The following MACROD2 variants were observed in gnomAD, a reference collection of about 807,000 sequenced individuals.
MACROD2 encodes ADP-ribose glycohydrolase MACROD2.
Under a neutral mutation model 70.4 loss-of-function variants are expected in MACROD2, and 36 were observed. The observed-to-expected ratio is 0.51, with a 90% CI of 0.39 to 0.68. MACROD2 has a LOEUF of 0.68. Ranked by LOEUF, MACROD2 falls within the 30% of genes least tolerant of loss-of-function variation. The probability of loss-of-function intolerance (pLI) is 0.00; values close to 1 mark genes in which losing one functional copy is unlikely to be tolerated. For synonymous variants in MACROD2, 172 were observed against 178.8 expected (o/e 0.96, Z 0.30); for missense variants, 496 against 538.4 (o/e 0.92, Z 0.78).
At chr20:14,083,096 G>A (rs568263930) in intron 2 of MACROD2, among the ~76,000 whole-genome samples, 2 of 147,244 alleles carry the variant, frequency 1.4e-5, no homozygotes, top group African/African-American at 5.0e-5. Flanking sequence ...GAATATGGAT[G>A]CTGAAATAAT....
At chr20:15,412,409 G>C (rs2046091360) in intron 6 of MACROD2, among the ~76,000 whole-genome samples, 1 of 152,156 alleles carries the variant, frequency 6.6e-6, no homozygotes, top group African/African-American at 2.4e-5. Context: ...GCCATCTCTT[G>C]TCAAGCAATT....
chr20:15,226,671 C>T (rs949150022), intron 5 of MACROD2, among the ~76,000 whole-genome samples: 1 of 151,976 alleles, frequency 6.6e-6, no homozygotes, highest in Non-Finnish European at 1.5e-5. Context: ...AGTCAAAAGC[C>T]TATGAGCTGC....
At chr20:14,044,023 T>A (rs1171723943) in intron 2 of MACROD2, among the ~76,000 whole-genome samples, 2 of 152,222 alleles carry the variant, frequency 1.3e-5, no homozygotes, top group African/African-American at 4.8e-5. Flanking sequence ...CACTGTGTCC[T>A]GAATTGGTGG....
intron 8 of MACROD2, among the ~76,000 whole-genome samples, chr20:15,791,440 A>G (rs1349157694): frequency 6.6e-6 from 1 of 151,832 alleles, no homozygotes; most frequent in Non-Finnish European, 1.5e-5. Context: ...TCTTGTGGGC[A>G]ATTTTAAAAA....
At chr20:14,070,753 G>A (rs1452470505) in intron 2 of MACROD2, among the ~76,000 whole-genome samples, 1 of 152,120 alleles carries the variant, frequency 6.6e-6, no homozygotes, top group Non-Finnish European at 1.5e-5. Context: ...ACCCTTGGTG[G>A]CTTCTCTGAA....
chr20:15,856,301 A>G (rs1284025149), intron 8 of MACROD2, among the ~76,000 whole-genome samples: 2 of 152,234 alleles, frequency 1.3e-5, no homozygotes, highest in African/African-American at 2.4e-5. Flanking sequence ...TAAGCACTCT[A>G]TATGAAAACT....
At chr20:16,041,324 A>G (rs992321578) in intron 16 of MACROD2, 46 bp downstream of exon 16, 4 of 1,461,168 alleles carry the variant, frequency 2.7e-6, no homozygotes, top group Non-Finnish European at 3.8e-6. Context: ...CAAATCTGGC[A>G]TATTTTCTAT....
chr20:15,444,945 C>T (rs2046543025), intron 7 of MACROD2, among the ~76,000 whole-genome samples: 1 of 122,826 alleles, frequency 8.1e-6, no homozygotes. Context: ...TAAACACAAA[C>T]ATTTAACAAT....
At chr20:14,044,240 G>A (rs1325522653) in intron 2 of MACROD2, among the ~76,000 whole-genome samples, 3 of 151,352 alleles carry the variant, frequency 2.0e-5, no homozygotes, top group East Asian at 1.9e-4. Context: ...AAGGCGGTGC[G>A]TGTGGAGTTG....
intron 15 of MACROD2, among the ~76,000 whole-genome samples, chr20:16,038,313 C>T (rs924108253): frequency 5.3e-5 from 8 of 151,796 alleles, no homozygotes; most frequent in Non-Finnish European, 1.0e-4. Flanking sequence ...TTAATTTTGG[C>T]AAATTATCAG....
chr20:14,753,676 C>T (rs1199037584), intron 5 of MACROD2, among the ~76,000 whole-genome samples: 1 of 152,018 alleles, frequency 6.6e-6, no homozygotes, highest in Non-Finnish European at 1.5e-5. Context: ...TATCTGACAG[C>T]TTATAGTATT....
At chr20:14,460,694 A>C (rs2084358402) in intron 3 of MACROD2, among the ~76,000 whole-genome samples, 1 of 152,064 alleles carries the variant, frequency 6.6e-6, no homozygotes, top group Admixed American at 6.6e-5. Flanking sequence ...GGTTTTTGTC[A>C]TTGGTTCTGC....
At chr20:14,483,361 TC>T (rs1219299321) in intron 3 of MACROD2, among the ~76,000 whole-genome samples, 1 of 152,188 alleles carries the variant, frequency 6.6e-6, no homozygotes. Flanking sequence ...TGATAGATTT[TC>T]CATATCTTTC....
chr20:14,276,873 AAC>A (rs1206267064), intron 3 of MACROD2, among the ~76,000 whole-genome samples: 3 of 152,172 alleles, frequency 2.0e-5, no homozygotes, highest in African/African-American at 7.2e-5. Context: ...TAGAATACTT[AAC>A]AGTCACCTAA....
At chr20:15,067,974 T>C (rs2075590687) in intron 5 of MACROD2, among the ~76,000 whole-genome samples, 1 of 152,222 alleles carries the variant, frequency 6.6e-6, no homozygotes, top group African/African-American at 2.4e-5. Flanking sequence ...ATTCTTCTCA[T>C]GCACCATACT....
chr20:16,004,069 G>A (rs996348606), intron 15 of MACROD2, among the ~76,000 whole-genome samples: 2 of 152,126 alleles, frequency 1.3e-5, no homozygotes, highest in African/African-American at 4.8e-5. Context: ...ATCCAAACCA[G>A]CTGGCTCACA....
At chr20:15,945,728 T>A (rs1189417951) in intron 12 of MACROD2, among the ~76,000 whole-genome samples, 1 of 152,196 alleles carries the variant, frequency 6.6e-6, no homozygotes, top group Non-Finnish European at 1.5e-5. Context: ...TATCCCAATT[T>A]TGCAGATAAC....
At chr20:15,021,666 C>G (rs1014019777) in intron 5 of MACROD2, 1 of 151,678 alleles carries the variant, frequency 6.6e-6, no homozygotes, top group African/African-American at 2.4e-5. Context: ...GCACAAGAGA[C>G]AATAAAAATA....
chr20:14,327,655 C>A (rs1313699716), intron 3 of MACROD2: 1 of 900,948 alleles, frequency 1.1e-6, no homozygotes, highest in East Asian at 2.7e-5. Flanking sequence ...TATCCATAAT[C>A]ACTTTTAATA....
Sources: gnomAD v4.1 joint callset for allele counts (sites outside exome capture counted in the v4.1 genomes callset) on GRCh38, gnomAD v4.1.1 for gene constraint, MANE v1.5 for transcripts, NCBI Gene and HGNC (gene_info 2026-07-23, HGNC 2026-07-21) for gene names.